ABHD12: variants seen among roughly 807,000 people sequenced by gnomAD.
The protein encoded by ABHD12 is abhydrolase domain containing 12, lysophospholipase.
Under a neutral mutation model 58.3 loss-of-function variants are expected in ABHD12, and 43 were observed. The ratio of observed to expected loss-of-function variants is 0.74; its 90% CI spans 0.58 to 0.95. The LOEUF is 0.95. Among genes scored for constraint, ABHD12 ranks in the 40% least tolerant of loss-of-function variants. The pLI, the probability that ABHD12 is intolerant of heterozygous loss-of-function variation, is 0.00. For synonymous variants in ABHD12, 219 were observed against 211.2 expected, an observed-to-expected ratio of 1.04 and a Z score of -0.32; for missense variants, 539 against 537.2, an observed-to-expected ratio of 1.00 and a Z score of -0.03.
At chr20:25,358,105 C>T (rs537480910) in intron 1 of ABHD12, among the ~76,000 whole-genome samples, 31 of 152,130 alleles carry the variant, frequency 2.0e-4, no homozygotes, top group Non-Finnish European at 7.4e-5. Context: ...CTTTCCTAAT[C>T]ATGTTGGAAG....
chr20:25,388,886 C>A (rs1469119675), intron 1 of ABHD12, among the ~76,000 whole-genome samples: 1 of 150,598 alleles, frequency 6.6e-6, no homozygotes, highest in Non-Finnish European at 1.5e-5. Context: ...CTCACCGCAA[C>A]CTCCGCCTCC....
rs531424075 is a variant in ABHD12, at chr20:25,357,525, G to A, written c.192-18174C>T. The stretch of plus-strand genomic sequence containing the variant: ...TCGTGAACCACTTTCTCATTAGGTA[G>A]AAAAATTGGTTCTGTAGGATAAGAT... On this transcript the variant is annotated intron_variant, in intron 1 of 12. Coordinates refer to ENST00000339157, the MANE Select transcript of ABHD12 (RefSeq NM_001042472.3). 9.0e-4 allele frequency among the ~76,000 whole-genome samples: 137 copies of A among 152,302 alleles called. 7 individuals carry two copies. In the South Asian group the frequency reaches 0.028, roughly 31 times the overall value.
chr20:25,379,982 C>T (rs1040919520), intron 1 of ABHD12, among the ~76,000 whole-genome samples: 5 of 152,078 alleles, frequency 3.3e-5, no homozygotes, highest in Non-Finnish European at 5.9e-5. Context: ...GCTGGGATTA[C>T]AGGCATGGCA....
chr20:25,348,363 G>GA (rs1243068773), intron 1 of ABHD12, among the ~76,000 whole-genome samples: 1 of 149,532 alleles, frequency 6.7e-6, no homozygotes, highest in African/African-American at 2.5e-5. Context: ...GGCCATAGAA[G>GA]AGATTTTTAT....
intron 1 of ABHD12, among the ~76,000 whole-genome samples, chr20:25,376,139 A>C (rs895867051): frequency 2.0e-5 from 3 of 152,018 alleles, no homozygotes; most frequent in African/African-American, 7.2e-5. Flanking sequence ...AATAATAATA[A>C]TAATAATGTC....
chr20:25,296,930 A>AT (rs2088556064), downstream of ABHD12: 1 of 178,084 alleles, frequency 5.6e-6, no homozygotes, highest in Non-Finnish European at 1.2e-5. Context: ...AAGCCTGGGA[A>AT]TGAGTGTTAC....
intron 2 of ABHD12, among the ~76,000 whole-genome samples, chr20:25,334,333 T>C (rs1416635111): frequency 6.6e-6 from 1 of 150,884 alleles, no homozygotes; most frequent in Non-Finnish European, 1.5e-5. Flanking sequence ...GAACATTCCA[T>C]GCTCATGGGT....
intron 3 of ABHD12, among the ~76,000 whole-genome samples, chr20:25,322,177 A>G (rs2089077924): frequency 6.6e-6 from 1 of 151,916 alleles, no homozygotes; most frequent in Non-Finnish European, 1.5e-5. Context: ...TGTACAGAAG[A>G]AAACATTAAA....
At chr20:25,332,081 C>G (rs1388639781) in intron 2 of ABHD12, among the ~76,000 whole-genome samples, 1 of 151,948 alleles carries the variant, frequency 6.6e-6, no homozygotes, top group Non-Finnish European at 1.5e-5. Context: ...CAGAGACACA[C>G]ATAGGTTCAA....
At chr20:25,296,399 C>G (rs746528562), downstream of ABHD12, 3 of 1,613,972 alleles carry the variant, frequency 1.9e-6, no homozygotes, top group Non-Finnish European at 1.7e-6. Context: ...AGAAGGTCAT[C>G]AGGAACATCG....
At chr20:25,349,209 T>C (rs976091394) in intron 1 of ABHD12, among the ~76,000 whole-genome samples, 1 of 151,938 alleles carries the variant, frequency 6.6e-6, no homozygotes, top group Non-Finnish European at 1.5e-5. Flanking sequence ...GGAATCAATA[T>C]AGCACCACAA....
intron 11 of ABHD12, among the ~76,000 whole-genome samples, chr20:25,302,814 T>G (rs736358): frequency 1.3e-5 from 2 of 152,148 alleles, no homozygotes. Flanking sequence ...CCCTGCCCTG[T>G]GTGGCTCCGT....
At chr20:25,373,202 G>A (rs1257003855) in intron 1 of ABHD12, among the ~76,000 whole-genome samples, 1 of 152,180 alleles carries the variant, frequency 6.6e-6, no homozygotes, top group Non-Finnish European at 1.5e-5. Context: ...CTGTTATTGA[G>A]TGACATTACT....
chr20:25,295,165 G>A (rs1024070529), intron 12 of ABHD12: 2 of 913,624 alleles, frequency 2.2e-6, no homozygotes, highest in Non-Finnish European at 3.6e-6. Flanking sequence ...GGAACTGCAA[G>A]TCAGTATTTC....
At chr20:25,386,761 A>G (rs2090096507) in intron 1 of ABHD12, among the ~76,000 whole-genome samples, 1 of 151,870 alleles carries the variant, frequency 6.6e-6, no homozygotes. Context: ...GGTGCCTGTA[A>G]TCCCAGCTAC....
intron 1 of ABHD12, among the ~76,000 whole-genome samples, chr20:25,376,383 T>G (rs1012976526): frequency 6.6e-6 from 1 of 152,170 alleles, no homozygotes; most frequent in Admixed American, 6.5e-5. Flanking sequence ...TTCACTCTAC[T>G]GAATTGAAAA....
intron 1 of ABHD12, among the ~76,000 whole-genome samples, chr20:25,381,052 A>C (rs943530669): frequency 6.6e-6 from 1 of 152,042 alleles, no homozygotes; most frequent in Non-Finnish European, 1.5e-5. Flanking sequence ...AGCCCCTGTC[A>C]TCTCTTGCCT....
rs1437743853 is a variant in ABHD12 at position 25,300,576 on chromosome 20, T to TA, written c.*268dup. The stretch of plus-strand genomic sequence containing the variant: ...GGCAGTGATGGCTGCCTGCTGCCAT[T>TA]AAGTCTCCCAACAAGATCTCAGGTT... On this transcript the variant is annotated 3_prime_UTR_variant, in exon 13 of 13. Transcript: ENST00000339157. 7.0e-7 allele frequency: 1 copy of TA among 1,420,212 alleles called. No homozygotes were observed. Among genetic ancestry groups the TA allele is most frequent in the African/African-American group, 1.4e-5 (1 of 69,292 alleles). The allele number at this position is 1,420,212 out of a possible 1,614,324, so 88.0% of individuals were successfully genotyped here. A position where few individuals can be genotyped will look rare whatever the true frequency, so the allele number is the denominator to read the frequency against.
intron 2 of ABHD12, among the ~76,000 whole-genome samples, chr20:25,333,711 T>A (rs1466647155): frequency 1.3e-5 from 2 of 151,844 alleles, no homozygotes; most frequent in Non-Finnish European, 2.9e-5. Flanking sequence ...AAAAACCACA[T>A]GATTATCTCA....
Sources: gnomAD v4.1 joint callset for allele counts (sites outside exome capture counted in the v4.1 genomes callset) on GRCh38, gnomAD v4.1.1 for gene constraint, MANE v1.5 for transcripts, NCBI Gene and HGNC (gene_info 2026-07-23, HGNC 2026-07-21) for gene names.